Variants in CLEC19A observed in about 807,000 individuals in gnomAD.
CLEC19A encodes the protein C-type lectin domain family 19 member A.
In CLEC19A, 21 loss-of-function variants were observed where a neutral mutation model predicts 26.1. That is an observed-to-expected ratio of 0.80 (90% CI 0.57 to 1.16). The LOEUF is 1.16. CLEC19A is among the 50% of genes most tolerant of loss of function. CLEC19A has a pLI of 0.00. For missense variants in CLEC19A, 224 were observed against 227.6 expected (o/e 0.98, Z 0.10); for synonymous variants, 89 against 88.6 (o/e 1.00, Z -0.03).
chr16:19,287,259 C>T lies in CLEC19A; in HGVS notation c.88+1320C>T, dbSNP rs553503957. ...GCAGATTTTATTCCTGGTGAGGACT[C>T]TCTTCCTGGCTTGCAGATGGCCGCC... On this transcript the variant is annotated intron_variant, in intron 1 of 4. Coordinates refer to ENST00000636231, the MANE Select transcript of CLEC19A (RefSeq NM_001256720.2). Among the ~76,000 whole-genome samples, 13 of 152,256 alleles carry T rather than the reference C, an allele frequency of 8.5e-5. No homozygotes were observed. In the South Asian group the frequency reaches 2.5e-3, roughly 29 times the overall value.
At chr16:19,294,437 G>C (rs992555302) in intron 1 of CLEC19A, among the ~76,000 whole-genome samples, 1 of 152,250 alleles carries the variant, frequency 6.6e-6, no homozygotes, top group Admixed American at 6.5e-5. Flanking sequence ...TAACACCCAC[G>C]TGGGGTAGGA....
chr16:19,291,672 T>G (rs1897586614), intron 1 of CLEC19A, among the ~76,000 whole-genome samples: 1 of 152,202 alleles, frequency 6.6e-6, no homozygotes, highest in African/African-American at 2.4e-5. Context: ...GAGGCTGGCT[T>G]GGGGTCAGGC....
intron 2 of CLEC19A, among the ~76,000 whole-genome samples, chr16:19,301,756 T>TTTTTTTTTTTTTTTTTTG (rs1897837910): frequency 1.5e-5 from 2 of 132,498 alleles, no homozygotes; most frequent in Non-Finnish European, 3.2e-5. Flanking sequence ...TTTTTTTTTT[T>TTTTTTTTTTTTTTTTTTG]TTTTTTTTGT....
At chr16:19,288,780 C>G (rs1407308943) in intron 1 of CLEC19A, among the ~76,000 whole-genome samples, 1 of 152,124 alleles carries the variant, frequency 6.6e-6, no homozygotes, top group Non-Finnish European at 1.5e-5. Flanking sequence ...TTCCCTGACT[C>G]CTGAGCCCAA....
intron 1 of CLEC19A, among the ~76,000 whole-genome samples, chr16:19,293,989 T>G (rs11862040): frequency 0.011 from 1,617 of 152,262 alleles, 37 homozygotes; most frequent in African/African-American, 0.037. Flanking sequence ...TATCAAATAC[T>G]AGATCTTATT....
At chr16:19,301,761 TTTTG>T (rs1897838596) in intron 2 of CLEC19A, among the ~76,000 whole-genome samples, 12 of 138,514 alleles carry the variant, frequency 8.7e-5, no homozygotes, top group Non-Finnish European at 1.5e-4. Context: ...TTTTTTTTTT[TTTTG>T]TATTTTTAGC....
intron 2 of CLEC19A, 79 bp from the exon 3 acceptor site, chr16:19,303,983 T>C: frequency 8.3e-7 from 1 of 1,205,482 alleles, no homozygotes; most frequent in Non-Finnish European, 1.2e-6. Context: ...AAGGTAAATA[T>C]GGATTGCTTT....
chr16:19,295,931 A>G (rs1228685878), intron 1 of CLEC19A, among the ~76,000 whole-genome samples: 3 of 152,234 alleles, frequency 2.0e-5, no homozygotes, highest in African/African-American at 7.2e-5. Flanking sequence ...GCTTTAACGC[A>G]TCAAGATGAT....
intron 1 of CLEC19A, among the ~76,000 whole-genome samples, chr16:19,288,254 A>G (rs1247810967): frequency 6.6e-6 from 1 of 152,184 alleles, no homozygotes; most frequent in African/African-American, 2.4e-5. Flanking sequence ...ATTTCAACAC[A>G]GAGGGAATGT....
intron 1 of CLEC19A, among the ~76,000 whole-genome samples, chr16:19,295,791 C>T (rs2143009410): frequency 6.6e-6 from 1 of 152,266 alleles, no homozygotes; most frequent in African/African-American, 2.4e-5. Flanking sequence ...GGAGAAACTG[C>T]TGAAAAAGTC....
intron 1 of CLEC19A, among the ~76,000 whole-genome samples, chr16:19,294,322 G>A (rs1370370232): frequency 6.6e-6 from 1 of 152,158 alleles, no homozygotes; most frequent in Non-Finnish European, 1.5e-5. Context: ...GTGAGGGGGG[G>A]TGCCCAGGGG....
chr16:19,301,735 GGTTTTTTTTTTTTTTT>G (rs1897829110), intron 2 of CLEC19A, among the ~76,000 whole-genome samples: 2 of 35,126 alleles, frequency 5.7e-5, no homozygotes, highest in South Asian at 1.1e-3. Context: ...AGGTTTTTTT[GGTTTTTTTTTTTTTTT>G]TTTTTTTTTT....
In CLEC19A at chr16:19,301,747, T is replaced by TTG. The variant is rs1555467825; in HGVS notation, c.255-2314_255-2313insGT. ...CCCAGGTTTTTTTGGTTTTTTTTTT[T>TTG]TTTTTTTTTTTTTTTTTGTATTTTT... On this transcript the variant is annotated intron_variant, in intron 2 of 4. Coordinates refer to ENST00000636231, the MANE Select transcript of CLEC19A (RefSeq NM_001256720.2). 1.4e-4 allele frequency among the ~76,000 whole-genome samples: 17 copies of TTG among 120,016 alleles called. 1 individual carries two copies. The highest frequency in any genetic ancestry group is 5.4e-4 in the South Asian group (2 of 3,676). The allele number at this position is 120,016 out of a possible 152,430, so 78.7% of individuals were successfully genotyped here.
intron 1 of CLEC19A, among the ~76,000 whole-genome samples, chr16:19,298,206 C>CA (rs1249764021): frequency 3.4e-5 from 5 of 147,438 alleles, no homozygotes; most frequent in Non-Finnish European, 7.4e-5. Context: ...GGCACCATGG[C>CA]ACTCCAGCCT....
intron 1 of CLEC19A, among the ~76,000 whole-genome samples, chr16:19,288,653 C>G (rs1050474129): frequency 2.0e-5 from 3 of 152,152 alleles, no homozygotes; most frequent in Non-Finnish European, 4.4e-5. Flanking sequence ...CTGAATCTGC[C>G]TTTGATCTCA....
intron 1 of CLEC19A, among the ~76,000 whole-genome samples, chr16:19,289,493 A>T (rs574038957): frequency 1.2e-3 from 178 of 152,290 alleles, no homozygotes; most frequent in African/African-American, 3.7e-3. Flanking sequence ...GGAGTTTCTG[A>T]ATCTGTCAGA....
chr16:19,296,482 T>C (rs1897707611), intron 1 of CLEC19A, among the ~76,000 whole-genome samples: 1 of 152,228 alleles, frequency 6.6e-6, no homozygotes, highest in Non-Finnish European at 1.5e-5. Context: ...TTGGTGACTT[T>C]ATTTGGCCCA....
intron 1 of CLEC19A, among the ~76,000 whole-genome samples, chr16:19,292,272 A>C (rs910051975): frequency 7.9e-5 from 12 of 151,988 alleles, no homozygotes; most frequent in Non-Finnish European, 1.8e-4. Context: ...GAAAATGCAG[A>C]CTCCGATTTG....
intron 1 of CLEC19A, among the ~76,000 whole-genome samples, chr16:19,295,682 G>A (rs1897692017): frequency 6.6e-6 from 1 of 152,194 alleles, no homozygotes; most frequent in Admixed American, 6.5e-5. Context: ...GACAAACTTA[G>A]CCAAGTTCTC....
Sources: allele counts gnomAD v4.1 joint callset (sites outside exome capture counted in the v4.1 genomes callset), GRCh38; gene constraint gnomAD v4.1.1; transcripts MANE v1.5; gene names NCBI Gene and HGNC (gene_info 2026-07-23, HGNC 2026-07-21).